Variants in PPP1R17 observed in about 807,000 individuals in gnomAD.
PPP1R17 encodes protein phosphatase 1 regulatory subunit 17, also known as G-substrate.
In PPP1R17, 12 loss-of-function variants were observed where a neutral mutation model predicts 15.9. The ratio of observed to expected loss-of-function variants is 0.75; its 90% CI spans 0.48 to 1.22. The LOEUF (loss-of-function observed/expected upper bound fraction) is 1.22, where lower values mean the gene tolerates loss of function less well. Among genes scored for constraint, PPP1R17 ranks in the 50% most tolerant of loss-of-function variants. PPP1R17 has a pLI of 0.00. For synonymous variants in PPP1R17, 63 were observed against 64.5 expected (o/e 0.98, Z 0.11); for missense variants, 211 against 187.3 (o/e 1.13, Z -0.74).
rs974751533 is a variant in PPP1R17, at chr7:31,697,222, C to A, written c.388+105C>A. ...CTGGCCGTTGTCCTGCCCCAGCAAG[C>A]TGCGTTGTCCTGAAGTGCTCTGGGG... is the stretch of plus-strand genomic sequence containing the variant. On this transcript the variant is annotated intron_variant, in intron 4 of 4. Coordinates refer to ENST00000342032, the MANE Select transcript of PPP1R17 (RefSeq NM_006658.5). The A allele has an allele frequency of 1.4e-5, 19 of 1,405,078 alleles. No homozygotes were observed. In the African/African-American group the frequency reaches 2.6e-4, roughly 19 times the overall value. 87.0% of individuals were successfully genotyped at this position (1,405,078 alleles called of 1,614,324 possible).
intron 3 of PPP1R17, chr7:31,695,898 G>T: frequency 4.0e-6 from 1 of 251,758 alleles, no homozygotes; most frequent in Non-Finnish European, 7.5e-6. Context: ...AGTCATTCAG[G>T]GACCCGGTCT....
chr7:31,696,926 T>C, intron 3 of PPP1R17, 39 bp from the exon 4 acceptor site: 1 of 1,603,320 alleles, frequency 6.2e-7, no homozygotes, highest in Non-Finnish European at 8.5e-7. Context: ...GATATATGTA[T>C]TTGATCCTGT....
intron 2 of PPP1R17, among the ~76,000 whole-genome samples, chr7:31,692,955 T>A (rs1792420100): frequency 6.6e-6 from 1 of 152,264 alleles, no homozygotes; most frequent in Admixed American, 6.5e-5. Context: ...AATAGCCTTT[T>A]TCTGCTTTAT....
chr7:31,697,493 A>G (rs1792645147), intron 4 of PPP1R17, among the ~76,000 whole-genome samples: 1 of 152,208 alleles, frequency 6.6e-6, no homozygotes, highest in Admixed American at 6.5e-5. Flanking sequence ...AATTGGCCAA[A>G]TCCTCAAAAT....
chr7:31,692,621 C>G (rs1264651231), intron 2 of PPP1R17, 98 bp downstream of exon 2: 1 of 1,131,604 alleles, frequency 8.8e-7, no homozygotes, highest in Non-Finnish European at 1.3e-6. Context: ...GGGCACCCCC[C>G]GAAACCTGAT....
chr7:31,691,797 T>TAA (rs377169335), intron 1 of PPP1R17, among the ~76,000 whole-genome samples: 22,282 of 86,078 alleles, frequency 0.26, 3,097 homozygotes, highest in Non-Finnish European at 0.36. Context: ...ATGTAATGAT[T>TAA]AAAAAAAAAA....
intron 1 of PPP1R17, among the ~76,000 whole-genome samples, chr7:31,691,101 A>G (rs1458191421): frequency 6.6e-6 from 1 of 152,164 alleles, no homozygotes; most frequent in Admixed American, 6.5e-5. Context: ...AACACTGAAA[A>G]CAATGGTCTG....
chr7:31,693,937 A>G (rs1792462572), intron 2 of PPP1R17, among the ~76,000 whole-genome samples: 2 of 152,236 alleles, frequency 1.3e-5, no homozygotes, highest in Admixed American at 6.5e-5. Context: ...TATCCAGGCC[A>G]TACTTAGAGT....
intron 2 of PPP1R17, among the ~76,000 whole-genome samples, chr7:31,694,660 A>G (rs1016260007): frequency 4.6e-5 from 7 of 152,148 alleles, no homozygotes; most frequent in African/African-American, 1.7e-4. Context: ...GTAAACCATT[A>G]TGGAAGAGTG....
At position 31,697,126 on chromosome 7, in the gene PPP1R17, G is replaced by C. The variant is rs747684912; in HGVS notation, c.388+9G>C. On this transcript the variant is annotated intron_variant, in intron 4 of 4. Coordinates refer to ENST00000342032, the MANE Select transcript of PPP1R17 (RefSeq NM_006658.5). Reference sequence around the variant, plus strand: ...GTCCCCCTTTGCAGCAGGTAAAAAAGCTGGTGCAGGGCATTTGCAGGGGGT... The same window carrying C: ...GTCCCCCTTTGCAGCAGGTAAAAAACCTGGTGCAGGGCATTTGCAGGGGGT... 8 of 1,613,354 alleles carry C rather than the reference G, an allele frequency of 5.0e-6. No homozygotes were observed. Among genetic ancestry groups the C allele is most frequent in the African/African-American group, 1.3e-5 (1 of 74,848 alleles).
chr7:31,707,007 T>G (rs1386213880), intron 4 of PPP1R17, among the ~76,000 whole-genome samples, 197 bp from the exon 5 acceptor site: 1 of 152,200 alleles, frequency 6.6e-6, no homozygotes, highest in East Asian at 1.9e-4. Context: ...ACCAGAATCG[T>G]GTCCTCATTG....
At chr7:31,698,504 C>G (rs370951897) in intron 4 of PPP1R17, among the ~76,000 whole-genome samples, 7 of 152,166 alleles carry the variant, frequency 4.6e-5, no homozygotes, top group Non-Finnish European at 8.8e-5. Context: ...TTCTACATAC[C>G]AGCTTTTCTA....
chr7:31,703,760 G>A (rs1792952103), intron 4 of PPP1R17, among the ~76,000 whole-genome samples: 1 of 152,164 alleles, frequency 6.6e-6, no homozygotes, highest in Non-Finnish European at 1.5e-5. Context: ...ATTAGCCCTT[G>A]GCAAGTGAAA....
intron 3 of PPP1R17, among the ~76,000 whole-genome samples, chr7:31,696,451 G>C (rs1338391580): frequency 4.6e-5 from 7 of 152,184 alleles, no homozygotes; most frequent in Admixed American, 4.6e-4. Flanking sequence ...AAAATTTTAT[G>C]CAAGAGGCTG....
At chr7:31,704,981 C>A (rs1024298806) in intron 4 of PPP1R17, among the ~76,000 whole-genome samples, 1 of 152,112 alleles carries the variant, frequency 6.6e-6, no homozygotes, top group Non-Finnish European at 1.5e-5. Context: ...TAAGGCTCAT[C>A]CTAAGCAATG....
At chr7:31,705,925 C>T (rs1437993203) in intron 4 of PPP1R17, among the ~76,000 whole-genome samples, 1 of 148,160 alleles carries the variant, frequency 6.7e-6, no homozygotes, top group Non-Finnish European at 1.5e-5. Context: ...CTTGGCTGGT[C>T]CTTTCTGGGG....
intron 1 of PPP1R17, 69 bp from the exon 2 acceptor site, chr7:31,692,337 A>C (rs779160008): frequency 9.8e-5 from 90 of 922,538 alleles, no homozygotes; most frequent in Non-Finnish European, 1.5e-4. Context: ...AAATATATTT[A>C]CTTAGCAAAT....
Position 31,707,188 on chromosome 7 carries a change from G to A in PPP1R17, c.389-16G>A, listed in dbSNP as rs765218556. ...ATTAGAGGTACTTAATTGCAGGTCT[G>A]TGCTTTGTTTTGCAGGTGTGACATT... is the stretch of plus-strand genomic sequence containing the variant. On this transcript the variant is annotated splice_polypyrimidine_tract_variant and intron_variant, in intron 4 of 4. Coordinates refer to ENST00000342032, the MANE Select transcript of PPP1R17 (RefSeq NM_006658.5). 1.9e-6 allele frequency: 3 copies of A among 1,611,132 alleles called. No homozygotes were observed. Among genetic ancestry groups the A allele is most frequent in the Admixed American group, 3.3e-5 (2 of 59,782 alleles).
In PPP1R17 at chr7:31,707,939, A is replaced by G. The variant is rs995136519; in HGVS notation, c.*656A>G. 2 of 152,178 alleles carry G rather than the reference A, an allele frequency of 1.3e-5. No individual in the cohort carries two copies. The highest frequency in any genetic ancestry group is 4.8e-5 in the African/African-American group (2 of 41,442). The allele number at this position is 152,178 out of a possible 1,614,324, so 9.4% of individuals were successfully genotyped here. ...GCTGGTCTGTCTGGGAAGCTTAGCA[A>G]TGTATCTTCAAATTTATTTTTGTTT... On this transcript the variant is annotated 3_prime_UTR_variant, in exon 5 of 5. Transcript: ENST00000342032.
Sources: allele counts gnomAD v4.1 joint callset (sites outside exome capture counted in the v4.1 genomes callset), GRCh38; gene constraint gnomAD v4.1.1; transcripts MANE v1.5; gene names NCBI Gene and HGNC (gene_info 2026-07-23, HGNC 2026-07-21).